Variants in GRID1 observed in about 807,000 individuals in gnomAD.
GRID1 encodes glutamate receptor ionotropic, delta-1.
GRID1 carries 28 observed loss-of-function variants against 98.0 expected under a neutral mutation model. The observed-to-expected ratio is 0.29, with a 90% CI of 0.21 to 0.39. GRID1 has a LOEUF of 0.39. GRID1 is among the 10% of genes least tolerant of loss of function. The probability of loss-of-function intolerance (pLI) is 1.00; values close to 1 mark genes in which losing one functional copy is unlikely to be tolerated. For missense variants in GRID1, 1,111 were observed against 1,340.5 expected (o/e 0.83, Z 2.67); for synonymous variants, 553 against 538.5 (o/e 1.03, Z -0.37).
chr10:85,944,277 T>C (rs769912645), intron 4 of GRID1, among the ~76,000 whole-genome samples: 9 of 152,220 alleles, frequency 5.9e-5, no homozygotes, highest in African/African-American at 2.2e-4. Flanking sequence ...TGATTTGTTA[T>C]GCAGCAAAAG....
intron 2 of GRID1, among the ~76,000 whole-genome samples, chr10:86,340,659 T>G (rs542617711): frequency 6.6e-6 from 1 of 152,236 alleles, no homozygotes; most frequent in East Asian, 1.9e-4. Flanking sequence ...CACGGGCTCT[T>G]GAAACTATCT....
chr10:86,176,241 G>A (rs1845573775), intron 3 of GRID1, among the ~76,000 whole-genome samples: 2 of 152,234 alleles, frequency 1.3e-5, no homozygotes, highest in South Asian at 4.1e-4. Context: ...TGGGGCTGAA[G>A]GAGGAGGAGA....
intron 4 of GRID1, among the ~76,000 whole-genome samples, chr10:85,985,491 G>T (rs188355847): frequency 2.6e-5 from 4 of 152,314 alleles, no homozygotes; most frequent in Admixed American, 2.6e-4. Context: ...TCAGAGGCCA[G>T]AAGCAGGGTT....
intron 8 of GRID1, among the ~76,000 whole-genome samples, chr10:85,800,369 A>G (rs1028948234): frequency 6.6e-6 from 1 of 152,088 alleles, no homozygotes; most frequent in African/African-American, 2.4e-5. Context: ...AACAAGAACA[A>G]ACTATGTTCT....
chr10:85,998,118 T>G (rs1842762135), intron 4 of GRID1, among the ~76,000 whole-genome samples: 1 of 152,116 alleles, frequency 6.6e-6, no homozygotes, highest in South Asian at 2.1e-4. Context: ...AAGATAAACA[T>G]GAACTAAACA....
rs77080713 is a variant in GRID1 at position 86,212,528 on chromosome 10, C to T, written c.236-5880G>A. On this transcript the variant is annotated intron_variant, in intron 2 of 15. Transcript: ENST00000327946. ...AAAAGAGCCAGGCTCTGGGCAAACC[C>T]GGGCTCAGCCCTGCCTGCCCAGAAG... is the stretch of plus-strand genomic sequence containing the variant. 8.5e-3 allele frequency among the ~76,000 whole-genome samples: 1,292 copies of T among 152,308 alleles called. 15 individuals carry two copies. Among genetic ancestry groups the T allele is most frequent in the Middle Eastern group, 0.031 (9 of 294 alleles).
chr10:85,720,855 C>G (rs1371413722), intron 12 of GRID1, among the ~76,000 whole-genome samples: 2 of 152,080 alleles, frequency 1.3e-5, no homozygotes, highest in African/African-American at 4.8e-5. Context: ...ATAAATAATT[C>G]TCTAAATTGA....
chr10:86,274,338 A>G (rs947123911), intron 2 of GRID1, among the ~76,000 whole-genome samples: 4 of 152,142 alleles, frequency 2.6e-5, no homozygotes, highest in Non-Finnish European at 2.9e-5. Context: ...TTGAAGTCAG[A>G]TAGCGTGATG....
intron 15 of GRID1, among the ~76,000 whole-genome samples, chr10:85,611,724 G>A (rs1267904683): frequency 6.6e-6 from 1 of 152,184 alleles, no homozygotes; most frequent in African/African-American, 2.4e-5. Context: ...TAACAAGCAG[G>A]TGAAGGGTGC....
chr10:86,081,311 G>A (rs1055049427), intron 4 of GRID1, among the ~76,000 whole-genome samples: 1 of 152,190 alleles, frequency 6.6e-6, no homozygotes, highest in East Asian at 1.9e-4. Context: ...GTGTGCCTGA[G>A]AGCTGACTGA....
chr10:85,747,151 G>A (rs919746461), intron 8 of GRID1, among the ~76,000 whole-genome samples: 6 of 152,202 alleles, frequency 3.9e-5, no homozygotes, highest in South Asian at 2.1e-4. Flanking sequence ...GGTGATTTGT[G>A]TCAATTAAAT....
chr10:86,336,640 G>T (rs1339767173), intron 2 of GRID1, among the ~76,000 whole-genome samples: 2 of 152,336 alleles, frequency 1.3e-5, no homozygotes, highest in African/African-American at 4.8e-5. Context: ...CTCCAGGGCT[G>T]GTTTTCATAT....
At chr10:86,295,438 G>A (rs890971429) in intron 2 of GRID1, among the ~76,000 whole-genome samples, 1 of 152,200 alleles carries the variant, frequency 6.6e-6, no homozygotes, top group Non-Finnish European at 1.5e-5. Context: ...TCCAGGACAC[G>A]GGTGGGTAGG....
chr10:86,035,953 AG>A (rs1843254667), intron 4 of GRID1, among the ~76,000 whole-genome samples: 1 of 152,204 alleles, frequency 6.6e-6, no homozygotes, highest in South Asian at 2.1e-4. Flanking sequence ...AGCTTTTGAG[AG>A]CCCCCTGCAG....
At chr10:86,077,318 GTC>G (rs1361470424) in intron 4 of GRID1, among the ~76,000 whole-genome samples, 3 of 152,162 alleles carry the variant, frequency 2.0e-5, no homozygotes, top group Non-Finnish European at 4.4e-5. Context: ...CCTCAGGACA[GTC>G]TCCAAAGCCC....
intron 3 of GRID1, among the ~76,000 whole-genome samples, chr10:86,201,877 C>T (rs1017606295): frequency 6.6e-6 from 1 of 152,020 alleles, no homozygotes; most frequent in Non-Finnish European, 1.5e-5. Flanking sequence ...AGCACACAAT[C>T]GGGAGAGTGT....
intron 5 of GRID1, among the ~76,000 whole-genome samples, chr10:85,891,743 T>C (rs1841203144): frequency 6.6e-6 from 1 of 152,110 alleles, no homozygotes; most frequent in Admixed American, 6.6e-5. Context: ...TTCAGCTGTG[T>C]CCCAAGGAGG....
At chr10:86,171,558 A>G (rs915180266) in intron 3 of GRID1, among the ~76,000 whole-genome samples, 1 of 152,190 alleles carries the variant, frequency 6.6e-6, no homozygotes, top group Non-Finnish European at 1.5e-5. Flanking sequence ...GCGTTCACAT[A>G]AGTCCCATGG....
At chr10:85,789,046 T>C (rs1842455146) in intron 8 of GRID1, among the ~76,000 whole-genome samples, 1 of 152,188 alleles carries the variant, frequency 6.6e-6, no homozygotes, top group Non-Finnish European at 1.5e-5. Flanking sequence ...TACCTCCCAT[T>C]GTACATTAAG....
Sources: allele counts gnomAD v4.1 joint callset (sites outside exome capture counted in the v4.1 genomes callset), GRCh38; gene constraint gnomAD v4.1.1; transcripts MANE v1.5; gene names NCBI Gene and HGNC (gene_info 2026-07-23, HGNC 2026-07-21).